MAMDC2: variants seen among roughly 807,000 people sequenced by gnomAD.
MAMDC2 encodes MAM domain-containing protein 2.
A neutral mutation model predicts 89.8 loss-of-function variants in MAMDC2; 57 were observed. The ratio of observed to expected loss-of-function variants is 0.63; its 90% CI spans 0.51 to 0.79. The LOEUF (loss-of-function observed/expected upper bound fraction) is 0.79, where lower values mean the gene tolerates loss of function less well. Among genes scored for constraint, MAMDC2 ranks in the 30% least tolerant of loss-of-function variants. The pLI is 0.00. For synonymous variants in MAMDC2, 313 were observed against 293.4 expected, an observed-to-expected ratio of 1.07 and a Z score of -0.68; for missense variants, 800 against 820.6, an observed-to-expected ratio of 0.97 and a Z score of 0.31.
chr9:70,175,018 G>GC (rs2032454058), intron 11 of MAMDC2, among the ~76,000 whole-genome samples: 1 of 152,156 alleles, frequency 6.6e-6, no homozygotes, highest in South Asian at 2.1e-4. Flanking sequence ...GAGCCACTGT[G>GC]CCCAGCCAGG....
At chr9:70,181,844 T>C (rs181351316) in intron 11 of MAMDC2, among the ~76,000 whole-genome samples, 24 of 152,326 alleles carry the variant, frequency 1.6e-4, no homozygotes, top group Non-Finnish European at 7.3e-5. Flanking sequence ...GAGTACCTTT[T>C]ATTTCTTTCT....
At chr9:70,111,199 C>T (rs1186951699) in intron 4 of MAMDC2, among the ~76,000 whole-genome samples, 1 of 152,180 alleles carries the variant, frequency 6.6e-6, no homozygotes, top group Non-Finnish European at 1.5e-5. Context: ...CTTACTGAGC[C>T]TCAGCCTCTT....
chr9:70,052,671 C>A lies in MAMDC2; in HGVS notation c.148+7974C>A, dbSNP rs76634330. Among the ~76,000 whole-genome samples, 71 of 152,272 alleles carry A rather than the reference C, an allele frequency of 4.7e-4. 5 individuals carry two copies. The East Asian group carries it at 0.013, about 29-fold the overall frequency. ...CCTTACAATGCCTGATAATATGTGG[C>A]ATCAACAAACACTTTGAATTTAACC... is the stretch of plus-strand genomic sequence containing the variant. On this transcript the variant is annotated intron_variant, in intron 2 of 13. Coordinates refer to ENST00000377182, the MANE Select transcript of MAMDC2 (RefSeq NM_153267.5).
chr9:70,206,697 G>C (rs890893812), intron 11 of MAMDC2, among the ~76,000 whole-genome samples: 2 of 151,954 alleles, frequency 1.3e-5, no homozygotes, highest in African/African-American at 2.4e-5. Context: ...TGTTACATAT[G>C]TATACATGTG....
intron 9 of MAMDC2, among the ~76,000 whole-genome samples, chr9:70,151,269 C>A (rs1201029464): frequency 2.6e-5 from 4 of 152,218 alleles, no homozygotes; most frequent in Admixed American, 2.6e-4. Flanking sequence ...AGATTACTCC[C>A]CATTAGTTTG....
Position 70,226,807 on chromosome 9 carries a change from A to G in MAMDC2, c.*775A>G, listed in dbSNP as rs1372346967. The G allele has an allele frequency of 6.6e-6, 1 of 152,066 alleles. No homozygotes were observed. Among genetic ancestry groups the G allele is most frequent in the African/African-American group, 2.4e-5 (1 of 41,438 alleles). The allele number at this position is 152,066 out of a possible 1,614,324, so 9.4% of individuals were successfully genotyped here. On this transcript the variant is annotated 3_prime_UTR_variant, in exon 14 of 14. Coordinates refer to ENST00000377182, the MANE Select transcript of MAMDC2 (RefSeq NM_153267.5). ...ATAAATGTGTTAAACAATTTTACTGATTTTTATAATAAATATTTTGGTAAG... is the reference window on the plus strand; with the variant it reads ...ATAAATGTGTTAAACAATTTTACTGGTTTTTATAATAAATATTTTGGTAAG...
rs376584157 is a variant in MAMDC2 at position 70,218,388 on chromosome 9, G to A, written c.1703G>A (p.Arg568His). ...CATATGGTGTATGGACAAAAAGCAC[G>A]CCTCTTGTCCAGGCCTCTGCGAGGA... ...ASHMVYGQKA[R>H]LLSRPLRGVS... The change falls in exon 12 of 14, where the codon CGC becomes CAC. Residue 568 changes from arginine (R) to histidine (H), a missense_variant. Coordinates refer to ENST00000377182, the MANE Select transcript of MAMDC2 (RefSeq NM_153267.5). The A allele has an allele frequency of 2.0e-5, 32 of 1,614,060 alleles. No individual in the cohort carries two copies. The highest frequency in any genetic ancestry group is 2.2e-5 in the East Asian group (1 of 44,888).
chr9:70,168,637 C>A, intron 9 of MAMDC2, 65 bp from the exon 10 acceptor site: 1 of 1,334,472 alleles, frequency 7.5e-7, no homozygotes, highest in South Asian at 1.2e-5. Context: ...AAGTGAATCC[C>A]AGGTTGTTAG....
intron 9 of MAMDC2, among the ~76,000 whole-genome samples, chr9:70,146,445 A>G (rs1472287427): frequency 6.6e-6 from 1 of 152,222 alleles, no homozygotes; most frequent in Non-Finnish European, 1.5e-5. Flanking sequence ...CCTGTTAGAT[A>G]GAAATAGCTT....
intron 11 of MAMDC2, chr9:70,217,325 G>C (rs1420580093): frequency 1.4e-6 from 2 of 1,386,158 alleles, no homozygotes; most frequent in Non-Finnish European, 2.1e-6. Flanking sequence ...CTTTCCAAGA[G>C]GAATCCTTGG....
chr9:70,160,555 A>C (rs1467822928), intron 9 of MAMDC2, among the ~76,000 whole-genome samples: 2 of 152,218 alleles, frequency 1.3e-5, no homozygotes, highest in East Asian at 3.9e-4. Flanking sequence ...CTTTGCTCTC[A>C]AAACAAGGGG....
intron 6 of MAMDC2, among the ~76,000 whole-genome samples, chr9:70,129,367 G>T (rs2030697089): frequency 6.6e-6 from 1 of 152,118 alleles, no homozygotes; most frequent in South Asian, 2.1e-4. Flanking sequence ...TGCCATGATT[G>T]TGAGGCCTCC....
At chr9:70,154,588 G>A (rs1563977927) in intron 9 of MAMDC2, among the ~76,000 whole-genome samples, 3 of 146,294 alleles carry the variant, frequency 2.1e-5, no homozygotes, top group African/African-American at 2.5e-5. Context: ...GCAGTGGCAC[G>A]ATCATGGTTC....
chr9:70,199,329 CT>C (rs1178672281), intron 11 of MAMDC2, among the ~76,000 whole-genome samples: 2 of 146,794 alleles, frequency 1.4e-5, no homozygotes, highest in African/African-American at 5.0e-5. Flanking sequence ...CGATAGTTTA[CT>C]GAGAATGATG....
rs139000922 is a variant in MAMDC2 at position 70,211,628 on chromosome 9, C to T, written c.1652-6709C>T. On this transcript the variant is annotated intron_variant, in intron 11 of 13. Coordinates refer to ENST00000377182, the MANE Select transcript of MAMDC2 (RefSeq NM_153267.5). ...CGTCTGAAGCCTTCTTCTCTCAACT[C>T]GTCAAAGTCATTCTCCATCCAGCTT... is the stretch of plus-strand genomic sequence containing the variant. 4.0e-5 allele frequency among the ~76,000 whole-genome samples: 6 copies of T among 150,812 alleles called. No homozygotes were observed. The South Asian group carries it at 1.1e-3, about 27-fold the overall frequency.
At chr9:70,200,146 T>C (rs2118628680) in intron 11 of MAMDC2, among the ~76,000 whole-genome samples, 1 of 152,254 alleles carries the variant, frequency 6.6e-6, no homozygotes, top group Admixed American at 6.5e-5. Context: ...TCCTGAATGG[T>C]AATGCCTAGG....
At chr9:70,122,256 G>A (rs1365493641) in intron 5 of MAMDC2, among the ~76,000 whole-genome samples, 1 of 152,184 alleles carries the variant, frequency 6.6e-6, no homozygotes, top group East Asian at 1.9e-4. Flanking sequence ...ACTCACTTTG[G>A]GCAGATCATG....
chr9:70,215,616 T>C (rs7034322), intron 11 of MAMDC2, among the ~76,000 whole-genome samples: 119,922 of 152,230 alleles, frequency 0.79, 47,369 homozygotes, highest in Admixed American at 0.83. Flanking sequence ...TTTCTACTTG[T>C]TCACTGCATT....
chr9:70,158,608 A>T (rs1216543013), intron 9 of MAMDC2, among the ~76,000 whole-genome samples: 2 of 151,926 alleles, frequency 1.3e-5, no homozygotes, highest in African/African-American at 2.4e-5. Context: ...AAGTGAAAAA[A>T]TTTTTAATTG....
Sources: allele counts gnomAD v4.1 joint callset (sites outside exome capture counted in the v4.1 genomes callset), GRCh38; gene constraint gnomAD v4.1.1; transcripts MANE v1.5; gene names NCBI Gene and HGNC (gene_info 2026-07-23, HGNC 2026-07-21).